Variants in MYOF observed in about 807,000 individuals in gnomAD.
MYOF encodes the protein myoferlin, also known as fer-1-like 3, myoferlin.
In MYOF, 244 loss-of-function variants were observed where a neutral mutation model predicts 284.2. That is an observed-to-expected ratio of 0.86 (90% CI 0.77 to 0.95). The LOEUF is 0.95. Among genes scored for constraint, MYOF ranks in the 40% least tolerant of loss-of-function variants. The pLI is 0.00. For synonymous variants in MYOF, 904 were observed against 919.7 expected (o/e 0.98, Z 0.31); for missense variants, 2,496 against 2,560.6 (o/e 0.97, Z 0.54).
intron 2 of MYOF, among the ~76,000 whole-genome samples, chr10:93,455,675 A>T (rs114363550): frequency 0.016 from 2,444 of 151,008 alleles, 78 homozygotes; most frequent in African/African-American, 0.057. Flanking sequence ...ACAAACAAAT[A>T]AAAAAAAACC....
chr10:93,417,124 C>T (rs1429350931), intron 5 of MYOF, among the ~76,000 whole-genome samples: 1 of 152,174 alleles, frequency 6.6e-6, no homozygotes, highest in Non-Finnish European at 1.5e-5. Context: ...CTATGACAAG[C>T]TCTTCACAAC....
At chr10:93,324,904 C>T (rs142765658) in intron 46 of MYOF, among the ~76,000 whole-genome samples, 173 of 152,118 alleles carry the variant, frequency 1.1e-3, no homozygotes, top group Admixed American at 1.9e-3. Flanking sequence ...CTCAGCCTCC[C>T]GAGTAGCTGG....
chr10:93,388,506 T>C (rs1439064140), intron 18 of MYOF, among the ~76,000 whole-genome samples: 1 of 152,122 alleles, frequency 6.6e-6, no homozygotes. Context: ...GACGGAAGGG[T>C]CCCCACCTCC....
chr10:93,391,342 G>C (rs1050056285), intron 17 of MYOF, among the ~76,000 whole-genome samples: 1 of 152,138 alleles, frequency 6.6e-6, no homozygotes, highest in South Asian at 2.1e-4. Context: ...TGTAATCCCA[G>C]TACTTTGGGA....
intron 24 of MYOF, among the ~76,000 whole-genome samples, chr10:93,371,916 C>T (rs555429978): frequency 1.9e-4 from 29 of 152,176 alleles, no homozygotes; most frequent in Non-Finnish European, 3.2e-4. Flanking sequence ...TGTCTCCTCT[C>T]CCACCCCCTG....
intron 6 of MYOF, among the ~76,000 whole-genome samples, chr10:93,409,118 C>T (rs1440615243): frequency 1.3e-5 from 2 of 152,120 alleles, no homozygotes; most frequent in Non-Finnish European, 2.9e-5. Flanking sequence ...GTTATAGAGA[C>T]CAAGAGCAGC....
chr10:93,326,638 G>GT (rs1156977297), intron 45 of MYOF, among the ~76,000 whole-genome samples: 1 of 152,142 alleles, frequency 6.6e-6, no homozygotes, highest in Non-Finnish European at 1.5e-5. Flanking sequence ...TTTTTTGTAT[G>GT]TTTTTTGAGA....
At chr10:93,401,830 TGA>T (rs566690863) in intron 11 of MYOF, among the ~76,000 whole-genome samples, 2,013 of 21,280 alleles carry the variant, frequency 0.095, 22 homozygotes, top group Middle Eastern at 0.25. Context: ...TGTGTGTGTG[TGA>T]TCCTGATGTC....
chr10:93,347,568 A>AAAAGAAAAAG, intron 37 of MYOF, 49 bp downstream of exon 37: 1 of 1,191,920 alleles, frequency 8.4e-7, no homozygotes, highest in Non-Finnish European at 1.1e-6. Flanking sequence ...CAAAAAAAAA[A>AAAAGAAAAAG]AAAAAAAAAA....
At chr10:93,365,546 G>A (rs1042775953) in intron 26 of MYOF, among the ~76,000 whole-genome samples, 1 of 152,162 alleles carries the variant, frequency 6.6e-6, no homozygotes, top group Non-Finnish European at 1.5e-5. Context: ...GGGTGCCCAC[G>A]CTAGACTTGG....
chr10:93,330,941 C>T (rs539686877), intron 43 of MYOF, among the ~76,000 whole-genome samples: 1 of 152,310 alleles, frequency 6.6e-6, no homozygotes, highest in Admixed American at 6.5e-5. Context: ...ATCCCAACTT[C>T]CAAGAAGCAA....
intron 50 of MYOF, among the ~76,000 whole-genome samples, chr10:93,315,825 T>C (rs1842590669): frequency 6.6e-6 from 1 of 151,862 alleles, no homozygotes; most frequent in African/African-American, 2.4e-5. Flanking sequence ...AAGGCCTGTA[T>C]TCAAAAAGTG....
At position 93,309,333 on chromosome 10, in the gene MYOF, C is replaced by T. The variant is rs780558112; in HGVS notation, c.6147+687G>A. On this transcript the variant is annotated intron_variant, in intron 53 of 53. Transcript: ENST00000359263. Reference sequence around the variant, plus strand: ...CACTATAACTTAATTCCTAGCCTGTCGTAGATGCGCAATACATCCTCTGGA... The same window carrying T: ...CACTATAACTTAATTCCTAGCCTGTTGTAGATGCGCAATACATCCTCTGGA... Among the ~76,000 whole-genome samples, 5 of 152,150 alleles carry T rather than the reference C, an allele frequency of 3.3e-5. 1 individual carries two copies. The highest frequency in any genetic ancestry group is 1.9e-4 in the East Asian group (1 of 5,202).
intron 3 of MYOF, among the ~76,000 whole-genome samples, chr10:93,431,746 C>CTTTT (rs35400002): frequency 3.0e-4 from 40 of 131,778 alleles, no homozygotes; most frequent in Non-Finnish European, 4.3e-4. Flanking sequence ...TCTTTCTTTT[C>CTTTT]TTTTTTTTTT....
intron 1 of MYOF, among the ~76,000 whole-genome samples, chr10:93,467,738 C>T (rs775219416): frequency 1.3e-4 from 20 of 152,138 alleles, no homozygotes; most frequent in Admixed American, 3.3e-4. Context: ...TGTCCAACAA[C>T]GATAGACTGG....
intron 43 of MYOF, 84 bp from the exon 44 acceptor site, chr10:93,329,918 A>G: frequency 1.4e-6 from 2 of 1,433,616 alleles, no homozygotes; most frequent in Non-Finnish European, 1.9e-6. Context: ...CAGAATTCCC[A>G]GGCTGTGTGT....
intron 38 of MYOF, among the ~76,000 whole-genome samples, chr10:93,340,515 G>A (rs542994511): frequency 1.2e-4 from 18 of 152,284 alleles, no homozygotes; most frequent in Middle Eastern, 3.4e-3. Flanking sequence ...GGAGCAGGGT[G>A]TGGAGCTGCT....
In MYOF at chr10:93,349,911, G is replaced by T. The variant is rs780983962; in HGVS notation, c.3980C>A (p.Pro1327His). The change falls in exon 36 of 54, where the codon CCC becomes CAC. Residue 1327 changes from proline (P) to histidine (H), a missense_variant. By Grantham distance (77) the Pro-to-His change is moderately conservative. Transcript: ENST00000359263. ...TCCTCCACACTCCACAACAAGACTGGGGGATGTGATAGAAGCCATCTGGAA... is the reference window on the plus strand; with the variant it reads ...TCCTCCACACTCCACAACAAGACTGTGGGATGTGATAGAAGCCATCTGGAA... Reference protein sequence around the residue: ...KNFQMASITSPSLVVECGGER... With the variant: ...KNFQMASITSHSLVVECGGER... The T allele has an allele frequency of 3.7e-6, 6 of 1,614,004 alleles. No individual in the cohort carries two copies. In the South Asian group the frequency reaches 6.6e-5, roughly 18 times the overall value.
At chr10:93,388,616 T>C (rs1411593439) in intron 18 of MYOF, among the ~76,000 whole-genome samples, 1 of 152,216 alleles carries the variant, frequency 6.6e-6, no homozygotes, top group East Asian at 1.9e-4. Flanking sequence ...TTGGCTTCTG[T>C]TGTGGTAAAA....
Sources: allele counts gnomAD v4.1 joint callset (sites outside exome capture counted in the v4.1 genomes callset), GRCh38; gene constraint gnomAD v4.1.1; transcripts MANE v1.5; gene names NCBI Gene and HGNC (gene_info 2026-07-23, HGNC 2026-07-21).